The following STK32C variants were observed in gnomAD, a reference collection of about 807,000 sequenced individuals.
STK32C encodes the protein serine/threonine-protein kinase 32C.
In STK32C, 31 loss-of-function variants were observed where a neutral mutation model predicts 56.5. The observed-to-expected ratio is 0.55, with a 90% confidence interval of 0.41 to 0.74. STK32C has a LOEUF of 0.74. Among genes scored for constraint, STK32C ranks in the 30% least tolerant of loss-of-function variants. STK32C has a pLI of 0.00. For synonymous variants in STK32C, 309 were observed against 289.4 expected (o/e 1.07, Z -0.69); for missense variants, 544 against 676.9 (o/e 0.80, Z 2.18).
chr10:132,271,262 G>A (rs1301385746), intron 1 of STK32C, among the ~76,000 whole-genome samples: 2 of 152,124 alleles, frequency 1.3e-5, no homozygotes, highest in African/African-American at 4.8e-5. Flanking sequence ...ACGTGGCAGT[G>A]GCCCATACAC....
intron 1 of STK32C, among the ~76,000 whole-genome samples, chr10:132,282,471 G>A (rs973896723): frequency 8.0e-6 from 1 of 125,438 alleles, no homozygotes; most frequent in Admixed American, 7.7e-5. Flanking sequence ...GCGCCCACCT[G>A]TACCTGCGCC....
At chr10:132,261,419 C>T (rs942054510) in intron 1 of STK32C, among the ~76,000 whole-genome samples, 4 of 152,134 alleles carry the variant, frequency 2.6e-5, no homozygotes, top group African/African-American at 9.7e-5. Flanking sequence ...CAGGAATACA[C>T]CTAACCAAGG....
At chr10:132,250,951 C>T (rs1364028748) in intron 1 of STK32C, among the ~76,000 whole-genome samples, 1 of 152,202 alleles carries the variant, frequency 6.6e-6, no homozygotes, top group African/African-American at 2.4e-5. Flanking sequence ...CCTCAGTTTC[C>T]TCCTCTGCCA....
rs181512643 is a variant in STK32C, at chr10:132,291,072, T to C, written c.262+16500A>G. Among the ~76,000 whole-genome samples, 213 of 152,368 alleles carry C rather than the reference T, an allele frequency of 1.4e-3. 2 individuals are homozygous for C. The highest frequency in any genetic ancestry group is 4.4e-3 in the African/African-American group (184 of 41,590). Reference sequence around the variant, plus strand: ...GCTGTGGGACCTCACTGTTTGTATGTTGAAAACACAAAATCAACACAGCCA... The same window carrying C: ...GCTGTGGGACCTCACTGTTTGTATGCTGAAAACACAAAATCAACACAGCCA... On this transcript the variant is annotated intron_variant, in intron 1 of 11. Coordinates refer to ENST00000298630, the MANE Select transcript of STK32C (RefSeq NM_173575.4).
chr10:132,262,310 A>G (rs929220527), intron 1 of STK32C, among the ~76,000 whole-genome samples: 6 of 152,340 alleles, frequency 3.9e-5, no homozygotes, highest in African/African-American at 1.2e-4. Flanking sequence ...AAAGACTGAA[A>G]TGTAAGACCT....
intron 1 of STK32C, among the ~76,000 whole-genome samples, chr10:132,260,097 G>T (rs1176540128): frequency 3.9e-5 from 6 of 151,918 alleles, no homozygotes; most frequent in Admixed American, 3.9e-4. Flanking sequence ...GCTAAACCCT[G>T]ATGATGTTGA....
rs920344623 is a variant in STK32C, at chr10:132,255,160, A to G, written c.263-9205T>C. On this transcript the variant is annotated intron_variant, in intron 1 of 11. Coordinates refer to ENST00000298630, the MANE Select transcript of STK32C (RefSeq NM_173575.4). This position sits in a 1 kb window ranked among gnomAD's most constrained non-coding sequence, Gnocchi z 4.6. ...TTGATTAAATGCCGTCTCGTCTCCT[A>G]TGACCTGGGAAGTGCTTATGATGAG... Among the ~76,000 whole-genome samples the G allele has an allele frequency of 1.3e-5, 2 of 152,164 alleles. No homozygotes were observed. The highest frequency in any genetic ancestry group is 2.4e-5 in the African/African-American group (1 of 41,424).
At chr10:132,248,943 G>C (rs1590258074) in intron 1 of STK32C, 1 of 456,652 alleles carries the variant, frequency 2.2e-6, no homozygotes, top group Non-Finnish European at 4.4e-6. Flanking sequence ...CTCCCGGAGA[G>C]GAAAAGGATG....
At chr10:132,291,674 T>C (rs1241451810) in intron 1 of STK32C, among the ~76,000 whole-genome samples, 3 of 152,200 alleles carry the variant, frequency 2.0e-5, no homozygotes, top group African/African-American at 4.8e-5. Flanking sequence ...GGCTGAGCTA[T>C]GCCAGGCTTC....
At chr10:132,222,409 TGCACTCATAACCCCA>T (rs765149266) in intron 10 of STK32C, among the ~76,000 whole-genome samples, 5 of 152,094 alleles carry the variant, frequency 3.3e-5, no homozygotes, top group Non-Finnish European at 5.9e-5. Context: ...GCCATCCCCG[TGCACTCATAACCCCA>T]GCCCTGGTTG....
intron 1 of STK32C, among the ~76,000 whole-genome samples, chr10:132,297,559 T>A (rs1343795262): frequency 6.6e-6 from 1 of 152,246 alleles, no homozygotes. Flanking sequence ...TTCATCTTTT[T>A]CCCTCTTTCA....
intron 1 of STK32C, among the ~76,000 whole-genome samples, chr10:132,261,700 G>A (rs1203265058): frequency 1.3e-5 from 2 of 152,188 alleles, no homozygotes; most frequent in Admixed American, 6.5e-5. Context: ...GGCAGGCAGA[G>A]GTTGCAGTGA....
intron 2 of STK32C, among the ~76,000 whole-genome samples, chr10:132,230,992 C>T (rs2063081464): frequency 6.6e-6 from 1 of 152,178 alleles, no homozygotes; most frequent in Non-Finnish European, 1.5e-5. Context: ...ACATGTGCGG[C>T]GGACACAGAC....
chr10:132,249,241 G>A (rs1031862975), intron 1 of STK32C: 1 of 357,228 alleles, frequency 2.8e-6, no homozygotes, highest in East Asian at 7.6e-5. Flanking sequence ...GGCTGAGGGT[G>A]GGGCTGTGGG....
chr10:132,276,280 G>A (rs1262864739), intron 1 of STK32C, among the ~76,000 whole-genome samples: 7 of 152,200 alleles, frequency 4.6e-5, no homozygotes, highest in South Asian at 2.1e-4. Context: ...ATGCCACCAC[G>A]CCAAGTCTGG....
intron 2 of STK32C, among the ~76,000 whole-genome samples, chr10:132,239,855 T>C (rs1217602251): frequency 2.0e-5 from 3 of 152,216 alleles, no homozygotes; most frequent in Admixed American, 2.0e-4. Flanking sequence ...GGCCTGGACA[T>C]CTCAGGAGCA....
intron 1 of STK32C, among the ~76,000 whole-genome samples, chr10:132,253,541 GA>G (rs2138007152): frequency 7.5e-6 from 1 of 134,158 alleles, no homozygotes; most frequent in South Asian, 2.3e-4. Flanking sequence ...GAGCTGGAGG[GA>G]GTCGAGGGAG....
chr10:132,292,949 C>T (rs2065615584), intron 1 of STK32C, among the ~76,000 whole-genome samples: 1 of 151,558 alleles, frequency 6.6e-6, no homozygotes. Context: ...TCGGTGGGTG[C>T]TCACCTGCTC....
intron 1 of STK32C, among the ~76,000 whole-genome samples, chr10:132,269,318 C>G (rs952527486): frequency 2.0e-5 from 3 of 152,222 alleles, no homozygotes; most frequent in African/African-American, 7.2e-5. Context: ...TGATTACGTG[C>G]CTGGCCTCAT....
Sources: gnomAD v4.1 joint callset for allele counts (sites outside exome capture counted in the v4.1 genomes callset) on GRCh38, gnomAD v4.1.1 for gene constraint, Gnocchi (gnomAD v3.1) non-coding constraint, MANE v1.5 for transcripts, NCBI Gene and HGNC (gene_info 2026-07-23, HGNC 2026-07-21) for gene names.